The following GMDS variants were observed in gnomAD, a reference collection of about 807,000 sequenced individuals.
GMDS encodes GDP-mannose 4,6 dehydratase.
In GMDS, 20 loss-of-function variants were observed where a neutral mutation model predicts 49.9. The observed-to-expected ratio is 0.40, with a 90% CI of 0.28 to 0.58. GMDS has a LOEUF of 0.58. Among genes scored for constraint, GMDS ranks in the 20% least tolerant of loss-of-function variants. The pLI is 0.42. For synonymous variants in GMDS, 177 were observed against 178.6 expected (o/e 0.99, Z 0.07); for missense variants, 362 against 481.4 (o/e 0.75, Z 2.32).
In GMDS at chr6:2,101,313, A is replaced by C. The variant is rs555952283; in HGVS notation, c.345+14458T>G. Among the ~76,000 whole-genome samples, 3 of 152,080 alleles carry C rather than the reference A, an allele frequency of 2.0e-5. No homozygotes were observed. The South Asian group carries it at 6.2e-4, about 32-fold the overall frequency. On this transcript the variant is annotated intron_variant, in intron 4 of 10. Coordinates refer to ENST00000380815, the MANE Select transcript of GMDS (RefSeq NM_001500.4). ...AGCATGGTAAAAAAACACTAAAAAA[A>C]CAAAAAACAAAAAAAAGAGAGAAAA...
At chr6:2,234,693 T>A (rs1399611497) in intron 1 of GMDS, among the ~76,000 whole-genome samples, 1 of 152,194 alleles carries the variant, frequency 6.6e-6, no homozygotes, top group Admixed American at 6.5e-5. Flanking sequence ...GCAGGCCCTA[T>A]TAGCATATGG....
intron 1 of GMDS, among the ~76,000 whole-genome samples, chr6:2,183,698 G>T (rs1165060787): frequency 2.0e-5 from 3 of 152,144 alleles, no homozygotes; most frequent in Admixed American, 6.5e-5. Flanking sequence ...AATCTTTTGT[G>T]AAAGGAGGAG....
chr6:2,168,214 C>T (rs1288359104), intron 1 of GMDS, among the ~76,000 whole-genome samples: 1 of 152,186 alleles, frequency 6.6e-6, no homozygotes, highest in Non-Finnish European at 1.5e-5. Context: ...CAGTCATGCT[C>T]CAATTCTTTC....
At chr6:1,949,348 A>G (rs1763231041) in intron 6 of GMDS, among the ~76,000 whole-genome samples, 1 of 139,938 alleles carries the variant, frequency 7.1e-6, no homozygotes, top group African/African-American at 3.1e-5. Flanking sequence ...TGAGTGGCCA[A>G]ATTCTCTGTG....
chr6:1,825,317 C>G (rs572829443), intron 7 of GMDS, among the ~76,000 whole-genome samples: 2 of 152,186 alleles, frequency 1.3e-5, no homozygotes, highest in African/African-American at 2.4e-5. Context: ...CATATATTTT[C>G]TTACCTCTTA....
chr6:1,849,672 T>C (rs1016389716), intron 7 of GMDS, among the ~76,000 whole-genome samples: 3 of 152,222 alleles, frequency 2.0e-5, no homozygotes, highest in African/African-American at 7.2e-5. Flanking sequence ...TTGTTGTAGC[T>C]TTTCCCTGAA....
chr6:1,625,856 C>G (rs1353656961), intron 9 of GMDS, among the ~76,000 whole-genome samples: 1 of 152,170 alleles, frequency 6.6e-6, no homozygotes, highest in Non-Finnish European at 1.5e-5. Context: ...ATAAACCGAA[C>G]GCAAAGGCCG....
intron 4 of GMDS, among the ~76,000 whole-genome samples, chr6:1,999,435 A>T (rs1479356015): frequency 6.6e-6 from 1 of 152,054 alleles, no homozygotes; most frequent in African/African-American, 2.4e-5. Flanking sequence ...TATTTCTACA[A>T]AACCTAGAAT....
intron 7 of GMDS, among the ~76,000 whole-genome samples, chr6:1,819,797 A>C (rs965271273): frequency 4.1e-5 from 6 of 146,610 alleles, no homozygotes; most frequent in Middle Eastern, 3.6e-3. Flanking sequence ...ATATATATAT[A>C]TCTACCTTGG....
At chr6:1,723,316 T>C (rs567146678) in intron 9 of GMDS, among the ~76,000 whole-genome samples, 1 of 100,862 alleles carries the variant, frequency 9.9e-6, no homozygotes, top group Admixed American at 1.0e-4. Context: ...TTTTTTCAAA[T>C]TTTCTTTATG....
chr6:1,631,596 T>C (rs1040413493), intron 9 of GMDS, among the ~76,000 whole-genome samples: 2 of 152,118 alleles, frequency 1.3e-5, no homozygotes, highest in Non-Finnish European at 2.9e-5. Context: ...GTATACAGTA[T>C]ATTAAGTCCT....
At chr6:2,023,150 A>C (rs947565882) in intron 4 of GMDS, among the ~76,000 whole-genome samples, 13 of 152,342 alleles carry the variant, frequency 8.5e-5, no homozygotes, top group Non-Finnish European at 8.8e-5. Flanking sequence ...TTTACACTAT[A>C]GGAAAACTAT....
intron 4 of GMDS, among the ~76,000 whole-genome samples, chr6:2,088,947 G>C (rs1773163592): frequency 6.6e-6 from 1 of 152,178 alleles, no homozygotes; most frequent in African/African-American, 2.4e-5. Flanking sequence ...GCAGGTGACT[G>C]AACAGTTTTA....
At chr6:1,755,682 A>G (rs1304656469) in intron 7 of GMDS, among the ~76,000 whole-genome samples, 2 of 152,140 alleles carry the variant, frequency 1.3e-5, no homozygotes, top group Admixed American at 1.3e-4. Context: ...TATTTAATAA[A>G]TAGTGCTGGG....
At chr6:2,160,346 A>G (rs1462112724) in intron 1 of GMDS, among the ~76,000 whole-genome samples, 1 of 152,216 alleles carries the variant, frequency 6.6e-6, no homozygotes, top group African/African-American at 2.4e-5. Flanking sequence ...AGCTTCTAAC[A>G]TTTAATCTTC....
Position 1,914,145 on chromosome 6 carries a change from T to TTG in GMDS, c.771+15957_771+15958insCA, listed in dbSNP as rs1554132898. Among the ~76,000 whole-genome samples the TTG allele has an allele frequency of 2.0e-5, 3 of 147,660 alleles. No homozygotes were observed. In the East Asian group the frequency reaches 5.9e-4, roughly 29 times the overall value. On this transcript the variant is annotated intron_variant, in intron 7 of 10. Transcript: ENST00000380815. ...GTTTTTTGTTTGTTTTTTTTTTTTT[T>TTG]TTTTTTTTTTTTAATTAAGAGAACT...
chr6:2,234,388 A>G (rs1781253396), intron 1 of GMDS, among the ~76,000 whole-genome samples: 1 of 152,170 alleles, frequency 6.6e-6, no homozygotes. Context: ...CAGGCAGATC[A>G]CCTGAGGCCG....
chr6:1,651,317 A>G (rs1404849903), intron 9 of GMDS, among the ~76,000 whole-genome samples: 2 of 152,196 alleles, frequency 1.3e-5, no homozygotes, highest in East Asian at 3.8e-4. Flanking sequence ...GCAGCCTGGC[A>G]TGGCTCACTA....
At chr6:1,990,409 G>T (rs1338347524) in intron 4 of GMDS, among the ~76,000 whole-genome samples, 2 of 152,086 alleles carry the variant, frequency 1.3e-5, no homozygotes, top group Non-Finnish European at 2.9e-5. Flanking sequence ...GCCACATTCT[G>T]GTGTAAAGGA....
Sources: allele counts gnomAD v4.1 joint callset (sites outside exome capture counted in the v4.1 genomes callset), GRCh38; gene constraint gnomAD v4.1.1; transcripts MANE v1.5; gene names NCBI Gene and HGNC (gene_info 2026-07-23, HGNC 2026-07-21).